The following GNA14 variants were observed in gnomAD, a reference collection of about 807,000 sequenced individuals.
The protein encoded by GNA14 is G protein subunit alpha 14, also known as guanine nucleotide-binding protein subunit alpha-14.
GNA14 carries 50 observed loss-of-function variants against 42.0 expected under a neutral mutation model. The observed-to-expected ratio is 1.19, with a 90% CI of 0.95 to 1.51. The LOEUF (loss-of-function observed/expected upper bound fraction) is 1.51, where lower values mean the gene tolerates loss of function less well. Among genes scored for constraint, GNA14 ranks in the 40% most tolerant of loss-of-function variants. The probability of loss-of-function intolerance (pLI) is 0.00; values close to 1 mark genes in which losing one functional copy is unlikely to be tolerated. For missense variants in GNA14, 473 were observed against 446.2 expected, an observed-to-expected ratio of 1.06 and a Z score of -0.54; for synonymous variants, 173 against 163.1, an observed-to-expected ratio of 1.06 and a Z score of -0.46.
At chr9:77,493,016 A>ATATATAT (rs1256212803) in intron 2 of GNA14, among the ~76,000 whole-genome samples, 1 of 91,638 alleles carries the variant, frequency 1.1e-5, no homozygotes, top group Non-Finnish European at 2.3e-5. Context: ...AAAAAAAAAA[A>ATATATAT]AAAAAAAAAA....
At chr9:77,644,051 T>C (rs1290869259) in intron 1 of GNA14, among the ~76,000 whole-genome samples, 1 of 152,208 alleles carries the variant, frequency 6.6e-6, no homozygotes, top group East Asian at 1.9e-4. Flanking sequence ...AAAGTTTTTA[T>C]GTTGAAATCC....
chr9:77,540,965 T>C (rs1375859172), intron 1 of GNA14, among the ~76,000 whole-genome samples: 1 of 152,214 alleles, frequency 6.6e-6, no homozygotes, highest in Non-Finnish European at 1.5e-5. Flanking sequence ...AAGGTTATTA[T>C]TGATATGTGA....
At chr9:77,609,931 G>T (rs984031453) in intron 1 of GNA14, among the ~76,000 whole-genome samples, 19 of 152,154 alleles carry the variant, frequency 1.2e-4, no homozygotes, top group Admixed American at 1.1e-3. Flanking sequence ...GATTGCAATT[G>T]TCTTGATCCA....
At chr9:77,469,310 T>A (rs971433250) in intron 2 of GNA14, among the ~76,000 whole-genome samples, 4 of 145,378 alleles carry the variant, frequency 2.8e-5, no homozygotes, top group Non-Finnish European at 4.5e-5. Context: ...TGCATTCATA[T>A]ATAAATTGTT....
chr9:77,623,043 T>G (rs187646158), intron 1 of GNA14, among the ~76,000 whole-genome samples: 2 of 150,544 alleles, frequency 1.3e-5, no homozygotes, highest in Admixed American at 1.3e-4. Context: ...GGTGAAACCC[T>G]GACTCTACTA....
intron 2 of GNA14, among the ~76,000 whole-genome samples, chr9:77,504,662 T>TTTC (rs1217818978): frequency 2.4e-4 from 29 of 120,830 alleles, no homozygotes; most frequent in African/African-American, 1.0e-3. Context: ...CTGGCCGACT[T>TTTC]TTTTTTTTTT....
At chr9:77,610,421 C>T (rs1452768316) in intron 1 of GNA14, among the ~76,000 whole-genome samples, 4 of 152,102 alleles carry the variant, frequency 2.6e-5, no homozygotes, top group Non-Finnish European at 5.9e-5. Context: ...GTTCCTTCTG[C>T]CCCTACACCT....
In GNA14 at chr9:77,523,819, G is replaced by A. The variant is rs553553736; in HGVS notation, c.309+5250C>T. 3.0e-4 allele frequency among the ~76,000 whole-genome samples: 45 copies of A among 152,212 alleles called. 1 individual carries two copies. Among genetic ancestry groups the A allele is most frequent in the African/African-American group, 1.0e-3 (43 of 41,518 alleles). On this transcript the variant is annotated intron_variant, in intron 2 of 6. Transcript: ENST00000341700. ...AACGTGTTTTTGAGATGTCAGGTAG[G>A]GCTGACCTTTGCCCTTGGGAAATTC...
intron 1 of GNA14, among the ~76,000 whole-genome samples, chr9:77,587,648 C>A (rs540723332): frequency 2.0e-5 from 3 of 152,150 alleles, no homozygotes; most frequent in Admixed American, 1.3e-4. Flanking sequence ...GGATGGGGAG[C>A]GAATGCCTAG....
rs1161366069 is a variant in GNA14, at chr9:77,506,245, G to A, written c.309+22824C>T. Among the ~76,000 whole-genome samples, 8 of 145,488 alleles carry A rather than the reference G, an allele frequency of 5.5e-5. No homozygotes were observed. The East Asian group carries it at 6.1e-4, about 11-fold the overall frequency. ...TGCAGTGGGTTATGATCACACCACC[G>A]CACTCCAGCTTAACCAACAGAGTGA... is the stretch of plus-strand genomic sequence containing the variant. On this transcript the variant is annotated intron_variant, in intron 2 of 6. Coordinates refer to ENST00000341700, the MANE Select transcript of GNA14 (RefSeq NM_004297.4).
At position 77,515,960 on chromosome 9, in the gene GNA14, C is replaced by CAAAAAAAAAAAAAAAAAAAAA. The variant is rs1158448237; in HGVS notation, c.309+13088_309+13108dup. On this transcript the variant is annotated intron_variant, in intron 2 of 6. Transcript: ENST00000341700. ...GGCAACGCAGCAAGACCCTGTCTCACAAAAAAAAAAAAAAAAAAAAAAACC... is the reference window on the plus strand; with the variant it reads ...GGCAACGCAGCAAGACCCTGTCTCACAAAAAAAAAAAAAAAAAAAAAAAAAAAAAAAAAAAAAAAAAAAACC... Among the ~76,000 whole-genome samples, 5 of 52,736 alleles carry CAAAAAAAAAAAAAAAAAAAAA rather than the reference C, an allele frequency of 9.5e-5. 2 individuals are homozygous for CAAAAAAAAAAAAAAAAAAAAA. The highest frequency in any genetic ancestry group is 1.8e-4 in the Non-Finnish European group (5 of 28,170). The allele number at this position is 52,736 out of a possible 152,430, so 34.6% of individuals were successfully genotyped here. A position where few individuals can be genotyped will look rare whatever the true frequency, so the allele number is the denominator to read the frequency against.
intron 2 of GNA14, among the ~76,000 whole-genome samples, chr9:77,519,526 A>G (rs972474857): frequency 6.6e-6 from 1 of 152,080 alleles, no homozygotes; most frequent in African/African-American, 2.4e-5. Context: ...CCTACCACCA[A>G]TTTTTTTTAA....
At chr9:77,426,891 C>T (rs1289001945) in intron 5 of GNA14, among the ~76,000 whole-genome samples, 1 of 152,296 alleles carries the variant, frequency 6.6e-6, no homozygotes, top group Non-Finnish European at 1.5e-5. Flanking sequence ...TCAGCACACA[C>T]ACTCAAGAGG....
At chr9:77,445,552 GAA>G (rs762651584) in intron 2 of GNA14, among the ~76,000 whole-genome samples, 8 of 55,962 alleles carry the variant, frequency 1.4e-4, no homozygotes, top group Admixed American at 2.0e-4. Flanking sequence ...TCTCTAAGAA[GAA>G]AAAAAAAAAA....
At chr9:77,428,142 G>A (rs530918940) in intron 5 of GNA14, among the ~76,000 whole-genome samples, 1,595 of 145,372 alleles carry the variant, frequency 0.011, 9 homozygotes, top group Admixed American at 0.018. Context: ...GCAGTGGTGC[G>A]ATCTCGGCTC....
intron 2 of GNA14, among the ~76,000 whole-genome samples, chr9:77,446,148 C>A (rs1264133078): frequency 6.6e-6 from 1 of 152,196 alleles, no homozygotes; most frequent in African/African-American, 2.4e-5. Context: ...CCAAAAGACC[C>A]CTCCACAGAG....
At chr9:77,542,473 C>G (rs553960079) in intron 1 of GNA14, among the ~76,000 whole-genome samples, 1 of 152,250 alleles carries the variant, frequency 6.6e-6, no homozygotes, top group East Asian at 1.9e-4. Context: ...TATGTTGGCT[C>G]TGGTGTTAGT....
chr9:77,642,455 A>T (rs1824281954), intron 1 of GNA14, among the ~76,000 whole-genome samples: 1 of 152,168 alleles, frequency 6.6e-6, no homozygotes, highest in Non-Finnish European at 1.5e-5. Context: ...TGAACACAAT[A>T]CTCACATAAC....
At chr9:77,521,735 T>G (rs1346644352) in intron 2 of GNA14, among the ~76,000 whole-genome samples, 3 of 152,256 alleles carry the variant, frequency 2.0e-5, no homozygotes, top group Non-Finnish European at 4.4e-5. Context: ...TTATACTTGA[T>G]GAATTATCTC....
Sources: gnomAD v4.1 joint callset for allele counts (sites outside exome capture counted in the v4.1 genomes callset) on GRCh38, gnomAD v4.1.1 for gene constraint, MANE v1.5 for transcripts, NCBI Gene and HGNC (gene_info 2026-07-23, HGNC 2026-07-21) for gene names.